Variants in LMBRD1 observed in about 807,000 individuals in gnomAD.
LMBRD1 encodes lysosomal cobalamin transport escort protein LMBD1.
Under a neutral mutation model 74.8 loss-of-function variants are expected in LMBRD1, and 64 were observed. The ratio of observed to expected loss-of-function variants is 0.86; its 90% CI spans 0.70 to 1.05. LMBRD1 has a LOEUF of 1.05. LMBRD1 is among the 50% of genes least tolerant of loss of function. LMBRD1 has a pLI of 0.00. For missense variants in LMBRD1, 652 were observed against 645.9 expected (o/e 1.01, Z -0.10); for synonymous variants, 204 against 216.3 (o/e 0.94, Z 0.50).
chr6:69,705,333 T>C, intron 9 of LMBRD1: 1 of 765,762 alleles, frequency 1.3e-6, no homozygotes, highest in Non-Finnish European at 2.4e-6. Flanking sequence ...AGCCTCCTGG[T>C]CAGTCATCCG....
intron 14 of LMBRD1, among the ~76,000 whole-genome samples, chr6:69,695,051 A>G (rs903063898): frequency 1.3e-5 from 2 of 152,060 alleles, no homozygotes; most frequent in African/African-American, 4.8e-5. Flanking sequence ...ATCTGAGGCC[A>G]TATCCTTGCT....
At chr6:69,676,393 C>G (rs1316531156) in intron 15 of LMBRD1, 57 bp downstream of exon 15, 23 of 1,578,214 alleles carry the variant, frequency 1.5e-5, no homozygotes, top group Non-Finnish European at 2.0e-5. Context: ...AGAGTTTACA[C>G]ATTTAACTAT....
intron 1 of LMBRD1, among the ~76,000 whole-genome samples, chr6:69,792,698 A>G (rs1181270283): frequency 2.0e-5 from 3 of 152,202 alleles, no homozygotes; most frequent in Admixed American, 2.0e-4. Flanking sequence ...ACATTCCCCA[A>G]ATTCATTCTG....
chr6:69,685,525 G>A (rs1054800421), intron 14 of LMBRD1, among the ~76,000 whole-genome samples: 1 of 152,172 alleles, frequency 6.6e-6, no homozygotes, highest in Admixed American at 6.5e-5. Context: ...TTTGGGTCAG[G>A]CGTGGTGGCT....
At position 69,722,415 on chromosome 6, in the gene LMBRD1, T is replaced by C. The variant is rs376970150; in HGVS notation, c.637-3334A>G. Among the ~76,000 whole-genome samples, 3 of 151,498 alleles carry C rather than the reference T, an allele frequency of 2.0e-5. No individual in the cohort carries two copies. The East Asian group carries it at 5.8e-4, about 29-fold the overall frequency. ...GAATAGTATAACACTACAATGGTGG[T>C]GTGTAACTAGTCTTGTCTTAAGTAG... On this transcript the variant is annotated intron_variant, in intron 7 of 15. Coordinates refer to ENST00000649934, the MANE Select transcript of LMBRD1 (RefSeq NM_018368.4).
rs1765520463 is a variant in LMBRD1 at position 69,675,169 on chromosome 6, T to G, written c.*989A>C. On this transcript the variant is annotated 3_prime_UTR_variant, in exon 16 of 16. Transcript: ENST00000649934. ...GAATAATTAACTTAGATATAGTTGT[T>G]AATTCCTAAACTTTTTTTCAGAAAC... Among the ~76,000 whole-genome samples, 1 of 152,158 alleles carries G rather than the reference T, an allele frequency of 6.6e-6. No homozygotes were observed. Among genetic ancestry groups the G allele is most frequent in the African/African-American group, 2.4e-5 (1 of 41,448 alleles).
At chr6:69,785,480 T>TTTTCTCTACACCCCCTCACTTGG (rs1562126263) in intron 2 of LMBRD1, among the ~76,000 whole-genome samples, 2 of 152,114 alleles carry the variant, frequency 1.3e-5, no homozygotes, top group Non-Finnish European at 1.5e-5. Context: ...GAACTATAAC[T>TTTTCTCTACACCCCCTCACTTGG]CTTTTCTCTA....
chr6:69,691,144 TCTCTC>T (rs1218258345), intron 14 of LMBRD1, among the ~76,000 whole-genome samples: 2 of 43,592 alleles, frequency 4.6e-5, no homozygotes, highest in Non-Finnish European at 1.4e-4. Context: ...ACGGCCTCTC[TCTCTC>T]TTTTTTTTTT....
Position 69,738,105 on chromosome 6 carries a change from A to G in LMBRD1, c.563-90T>C, listed in dbSNP as rs1234995551. On this transcript the variant is annotated intron_variant, in intron 6 of 15. Transcript: ENST00000649934. ...ATCAACATAGAAAGCTGAGCTGCTT[A>G]CACATTTTGAAGAAATAAAAACCAA... 10 of 919,570 alleles carry G rather than the reference A, an allele frequency of 1.1e-5. No homozygotes were observed. In the East Asian group the frequency reaches 2.7e-4, roughly 24 times the overall value. 57.0% of individuals were successfully genotyped at this position (919,570 alleles called of 1,614,324 possible).
chr6:69,753,586 G>A (rs964227927), intron 3 of LMBRD1, among the ~76,000 whole-genome samples: 1 of 152,192 alleles, frequency 6.6e-6, no homozygotes, highest in African/African-American at 2.4e-5. Flanking sequence ...ACTTCCAGGT[G>A]TATGCACACA....
At chr6:69,759,663 A>G (rs1340836269) in intron 3 of LMBRD1, among the ~76,000 whole-genome samples, 1 of 152,162 alleles carries the variant, frequency 6.6e-6, no homozygotes, top group Admixed American at 6.5e-5. Flanking sequence ...TTTTAAATGT[A>G]TTCATTTAAC....
chr6:69,676,478 T>C lies in LMBRD1; in HGVS notation c.1481A>G (p.Tyr494Cys). ...LHKFWFFSAA[Y>C]YFGNWAFLGV... ...AAGAAAGGCCCAGTTACCAAAATAG[T>C]AAGCAGCACTGAAGAACCAGAACTT... The change falls in exon 15 of 16, where the codon TAC becomes TGC. Residue 494 changes from tyrosine to cysteine, a missense_variant. Around this residue, in one of 3 missense-constraint regions of LMBRD1, gnomAD observed 3 missense variants for 17.2 expected, o/e 0.17. Coordinates refer to ENST00000649934, the MANE Select transcript of LMBRD1 (RefSeq NM_018368.4). The C allele has an allele frequency of 6.2e-7, 1 of 1,613,508 alleles. No homozygotes were observed. The highest frequency in any genetic ancestry group is 8.5e-7 in the Non-Finnish European group (1 of 1,179,628).
chr6:69,761,555 CT>C (rs1436334358), intron 3 of LMBRD1, among the ~76,000 whole-genome samples: 1 of 152,110 alleles, frequency 6.6e-6, no homozygotes, highest in Admixed American at 6.6e-5. Context: ...AGCAACTATC[CT>C]TTACTGACTC....
At chr6:69,703,304 G>C (rs1225491340) in intron 9 of LMBRD1, among the ~76,000 whole-genome samples, 1 of 151,786 alleles carries the variant, frequency 6.6e-6, no homozygotes, top group Non-Finnish European at 1.5e-5. Flanking sequence ...TTATACTTAG[G>C]ATTCTCAAGT....
intron 3 of LMBRD1, among the ~76,000 whole-genome samples, chr6:69,763,037 T>C (rs928694331): frequency 1.4e-5 from 2 of 146,194 alleles, no homozygotes; most frequent in East Asian, 4.1e-4. Context: ...GGAGGTCGCT[T>C]TGGAACATGC....
chr6:69,721,888 C>G (rs530807045), intron 7 of LMBRD1, among the ~76,000 whole-genome samples: 2 of 152,122 alleles, frequency 1.3e-5, no homozygotes, highest in African/African-American at 4.8e-5. Context: ...CAGAAGAGCC[C>G]TTGGGCTTTA....
At chr6:69,748,376 TAA>T (rs1344039782) in intron 5 of LMBRD1, among the ~76,000 whole-genome samples, 1 of 152,050 alleles carries the variant, frequency 6.6e-6, no homozygotes, top group East Asian at 1.9e-4. Context: ...ACTCCAGAGC[TAA>T]AATACATAGA....
At chr6:69,738,130 A>G (rs1582106228) in intron 6 of LMBRD1, 115 bp from the exon 7 acceptor site, 7 of 761,704 alleles carry the variant, frequency 9.2e-6, no homozygotes, top group South Asian at 1.6e-5. Context: ...ATAAAAACCA[A>G]TATGTATTAC....
At chr6:69,756,088 T>A (rs1331471660) in intron 3 of LMBRD1, among the ~76,000 whole-genome samples, 2 of 152,118 alleles carry the variant, frequency 1.3e-5, no homozygotes, top group African/African-American at 4.8e-5. Flanking sequence ...TTTCTGGGCA[T>A]GGTGGCTCAC....
Sources: gnomAD v4.1 joint callset for allele counts (sites outside exome capture counted in the v4.1 genomes callset) on GRCh38, gnomAD v4.1.1 for gene constraint, gnomAD v4.1.1 regional missense constraint, MANE v1.5 for transcripts, NCBI Gene and HGNC (gene_info 2026-07-23, HGNC 2026-07-21) for gene names.